PLA2G4E: variants seen among roughly 807,000 people sequenced by gnomAD.
PLA2G4E encodes the protein phospholipase A2 group IVE, also known as cytosolic phospholipase A2 epsilon.
A neutral mutation model predicts 109.1 loss-of-function variants in PLA2G4E; 84 were observed. That is an observed-to-expected ratio of 0.77 (90% CI 0.65 to 0.92). The LOEUF is 0.92. Among genes scored for constraint, PLA2G4E ranks in the 40% least tolerant of loss-of-function variants. PLA2G4E has a pLI of 0.00. For missense variants in PLA2G4E, 1,057 were observed against 1,076.6 expected, an observed-to-expected ratio of 0.98 and a Z score of 0.25; for synonymous variants, 469 against 436.1, an observed-to-expected ratio of 1.08 and a Z score of -0.94.
intron 1 of PLA2G4E, among the ~76,000 whole-genome samples, chr15:42,014,397 C>T (rs1017843511): frequency 1.3e-5 from 2 of 152,178 alleles, no homozygotes; most frequent in East Asian, 1.9e-4. Flanking sequence ...AGAATGAACG[C>T]CCATGGCAAG....
At chr15:42,000,165 T>G in exon 8 of PLA2G4E, 1 of 1,595,072 alleles carries the variant, frequency 6.3e-7, no homozygotes, top group Non-Finnish European at 8.5e-7. Flanking sequence ...GTACTTGGGG[T>G]AGTGGAAGCA....
At chr15:41,984,292 G>T (rs77513142) in intron 19 of PLA2G4E, 144 bp downstream of exon 19, 4 of 819,384 alleles carry the variant, frequency 4.9e-6, no homozygotes, top group Non-Finnish European at 7.6e-6. Flanking sequence ...AATGGGAGGC[G>T]CCCTTCTTTG....
At chr15:41,992,424 C>T (rs568682023) in intron 13 of PLA2G4E, among the ~76,000 whole-genome samples, 52 of 152,328 alleles carry the variant, frequency 3.4e-4, no homozygotes, top group African/African-American at 1.2e-3. Context: ...CACTGCTCTC[C>T]AGTCTTCCCC....
intron 12 of PLA2G4E, among the ~76,000 whole-genome samples, chr15:41,993,210 T>C (rs967368617): frequency 6.6e-6 from 1 of 152,220 alleles, no homozygotes; most frequent in Non-Finnish European, 1.5e-5. Context: ...GTGGTTAAGA[T>C]GAAGATTCTG....
intron 6 of PLA2G4E, 56 bp downstream of exon 6, chr15:42,002,598 G>C: frequency 6.6e-7 from 1 of 1,510,966 alleles, no homozygotes; most frequent in South Asian, 1.2e-5. Flanking sequence ...CTGTTCCCCT[G>C]AGAGCAGCAG....
At chr15:42,031,633 C>A (rs1889116065) in intron 1 of PLA2G4E, among the ~76,000 whole-genome samples, 2 of 152,196 alleles carry the variant, frequency 1.3e-5, no homozygotes, top group South Asian at 4.1e-4. Context: ...TAACAGGCAG[C>A]CCTCACGTTT....
exon 15 of PLA2G4E, chr15:41,989,462 C>T: frequency 6.2e-7 from 1 of 1,614,032 alleles, no homozygotes; most frequent in South Asian, 1.1e-5. Flanking sequence ...CACCAGCCGC[C>T]CCATGAAGAA....
At chr15:42,024,553 A>G (rs1398911439) in intron 1 of PLA2G4E, among the ~76,000 whole-genome samples, 1 of 152,126 alleles carries the variant, frequency 6.6e-6, no homozygotes, top group Non-Finnish European at 1.5e-5. Context: ...ATTGAAAAGC[A>G]CATTCCTCCC....
intron 1 of PLA2G4E, among the ~76,000 whole-genome samples, chr15:42,042,569 C>T (rs1889333828): frequency 6.6e-6 from 1 of 152,162 alleles, no homozygotes; most frequent in African/African-American, 2.4e-5. Flanking sequence ...TCCCAGGCCA[C>T]CATACCAGAT....
At chr15:42,025,331 G>A (rs187508953) in intron 1 of PLA2G4E, among the ~76,000 whole-genome samples, 19 of 152,330 alleles carry the variant, frequency 1.2e-4, no homozygotes, top group African/African-American at 4.6e-4. Context: ...AGTTAGGTCA[G>A]AGGCATACTC....
chr15:42,019,767 T>C (rs973075194), intron 1 of PLA2G4E, among the ~76,000 whole-genome samples: 3 of 152,100 alleles, frequency 2.0e-5, no homozygotes, highest in Non-Finnish European at 4.4e-5. Context: ...ACCATGGCTG[T>C]TTTCCTTTTT....
At position 42,044,639 on chromosome 15, in the gene PLA2G4E, T is replaced by TG. The variant is rs1889379637; in HGVS notation, c.183+5881dup. On this transcript the variant is annotated intron_variant, in intron 1 of 19. Coordinates refer to ENST00000399518, the Ensembl canonical transcript of PLA2G4E. ...TCACACACTGGGGCCTGTTGTGGGATGGGGGGAGGGGGGAGGGATAGCATT... is the reference window on the plus strand; with the variant it reads ...TCACACACTGGGGCCTGTTGTGGGATGGGGGGGAGGGGGGAGGGATAGCATT... 1.7e-3 allele frequency among the ~76,000 whole-genome samples: 48 copies of TG among 28,478 alleles called. No individual in the cohort carries two copies. The South Asian group carries it at 0.047, about 28-fold the overall frequency. 18.7% of individuals were successfully genotyped at this position (28,478 alleles called of 152,430 possible). A position where few individuals can be genotyped will look rare whatever the true frequency, so the allele number is the denominator to read the frequency against.
At chr15:42,044,272 A>T (rs1446363909) in intron 1 of PLA2G4E, among the ~76,000 whole-genome samples, 1 of 152,132 alleles carries the variant, frequency 6.6e-6, no homozygotes, top group African/African-American at 2.4e-5. Flanking sequence ...ATGACCTCCC[A>T]GAGGAAGCAG....
At chr15:42,042,463 A>G (rs1234025500) in intron 1 of PLA2G4E, among the ~76,000 whole-genome samples, 1 of 152,250 alleles carries the variant, frequency 6.6e-6, no homozygotes, top group Admixed American at 6.5e-5. Flanking sequence ...TTTTGTAAAA[A>G]GAACATTATT....
chr15:41,986,639 C>T (rs958306601), intron 17 of PLA2G4E, among the ~76,000 whole-genome samples: 1 of 152,032 alleles, frequency 6.6e-6, no homozygotes, highest in African/African-American at 2.4e-5. Context: ...TATCTCAGCC[C>T]CCAAGTAGCT....
intron 13 of PLA2G4E, among the ~76,000 whole-genome samples, chr15:41,992,321 CA>C (rs2068263181): frequency 6.6e-6 from 1 of 152,164 alleles, no homozygotes; most frequent in Non-Finnish European, 1.5e-5. Flanking sequence ...GAGGACCCTC[CA>C]AGGGCCTTGC....
chr15:42,028,391 A>ATTTC (rs532198139), intron 1 of PLA2G4E, among the ~76,000 whole-genome samples: 26 of 26,398 alleles, frequency 9.8e-4, no homozygotes, highest in East Asian at 3.2e-3. Context: ...TTACTTATTT[A>ATTTC]TTTATTTATT....
At chr15:42,010,538 A>G (rs1595568178) in intron 2 of PLA2G4E, among the ~76,000 whole-genome samples, 2 of 152,202 alleles carry the variant, frequency 1.3e-5, no homozygotes, top group Admixed American at 1.3e-4. Flanking sequence ...TTCATGGACT[A>G]TGGGGATTTC....
At chr15:42,050,628 C>T (rs1889490405) in exon 1 of PLA2G4E, 2 of 1,550,650 alleles carry the variant, frequency 1.3e-6, no homozygotes, top group Non-Finnish European at 1.7e-6. Context: ...CTGCCTTCTT[C>T]ATCCGTTTGT....
Sources: gnomAD v4.1 joint callset for allele counts (sites outside exome capture counted in the v4.1 genomes callset) on GRCh38, gnomAD v4.1.1 for gene constraint, MANE v1.5 for transcripts, NCBI Gene and HGNC (gene_info 2026-07-23, HGNC 2026-07-21) for gene names.